ARHGAP21: variants seen among roughly 807,000 people sequenced by gnomAD.
The protein encoded by ARHGAP21 is Rho GTPase activating protein 21, also known as rho GTPase-activating protein 21.
In ARHGAP21, 38 loss-of-function variants were observed where a neutral mutation model predicts 164.6. The ratio of observed to expected loss-of-function variants is 0.23; its 90% CI spans 0.18 to 0.30. ARHGAP21 has a LOEUF of 0.30. Among genes scored for constraint, ARHGAP21 ranks in the 10% least tolerant of loss-of-function variants. ARHGAP21 has a pLI of 1.00. For missense variants in ARHGAP21, 1,822 were observed against 2,370.7 expected (o/e 0.77, Z 4.81); for synonymous variants, 766 against 857.9 (o/e 0.89, Z 1.87).
At chr10:24,590,307 C>G (rs772037071) in intron 24 of ARHGAP21, 5 of 1,534,324 alleles carry the variant, frequency 3.3e-6, no homozygotes, top group Middle Eastern at 1.7e-4. Flanking sequence ...TTATGAGAAA[C>G]TTTACACCAC....
At chr10:24,634,969 AAAAG>A in intron 5 of ARHGAP21, 38 bp downstream of exon 5, 1 of 1,369,766 alleles carries the variant, frequency 7.3e-7, no homozygotes, top group Non-Finnish European at 9.8e-7. Flanking sequence ...AATAAAGTGA[AAAAG>A]AAATTAAAAC....
At chr10:24,646,259 G>A (rs528765680) in intron 4 of ARHGAP21, among the ~76,000 whole-genome samples, 1 of 152,210 alleles carries the variant, frequency 6.6e-6, no homozygotes, top group African/African-American at 2.4e-5. Context: ...TAGCTGGAGA[G>A]CAATCAGGAA....
intron 2 of ARHGAP21, among the ~76,000 whole-genome samples, chr10:24,694,761 G>T (rs1843009174): frequency 2.0e-5 from 3 of 152,030 alleles, no homozygotes; most frequent in African/African-American, 7.2e-5. Flanking sequence ...TCCTAGAAAA[G>T]AAATGAACCA....
chr10:24,621,258 C>T lies in ARHGAP21; in HGVS notation c.637G>A (p.Ala213Thr), dbSNP rs146427466. 2.9e-4 allele frequency: 472 copies of T among 1,613,896 alleles called. 2 individuals are homozygous for T. The African/African-American group carries it at 5.7e-3, about 20-fold the overall frequency. Residue 213 changes from alanine (A) to threonine (T), a missense_variant, in exon 9 of 26, where the codon GCC (alanine) becomes ACC (threonine). By Grantham distance (58) the Ala-to-Thr change is moderately conservative (BLOSUM62 0). Coordinates refer to ENST00000396432, the MANE Select transcript of ARHGAP21 (RefSeq NM_020824.4). ...CYPWLPSAPS[A>T]MAQPVEISPP... Reference sequence around the variant, plus strand: ...GATATTTCAACTGGCTGTGCCATGGCTGATGGGGCAGATGGCAGCCAGGGA... The same window carrying T: ...GATATTTCAACTGGCTGTGCCATGGTTGATGGGGCAGATGGCAGCCAGGGA...
chr10:24,688,281 A>G (rs1471622914), intron 2 of ARHGAP21, among the ~76,000 whole-genome samples: 5 of 152,128 alleles, frequency 3.3e-5, no homozygotes, highest in Non-Finnish European at 7.4e-5. Flanking sequence ...AATCCCAGGT[A>G]CTCAGGAGGC....
At position 24,641,127 on chromosome 10, in the gene ARHGAP21, CTAACTTT is replaced by C. The variant is rs1403781394; in HGVS notation, c.269-6031_269-6025del. Among the ~76,000 whole-genome samples, 6 of 152,240 alleles carry C rather than the reference CTAACTTT, an allele frequency of 3.9e-5. No homozygotes were observed. In the South Asian group the frequency reaches 1.0e-3, roughly 26 times the overall value. Reference sequence around the variant, plus strand: ...ATTTCTTATTGTTGACAACAGGCTTCTAACTTTTATTTTGGGAATATGGTTTACTGGT... The same window carrying C: ...ATTTCTTATTGTTGACAACAGGCTTCTATTTTGGGAATATGGTTTACTGGT... On this transcript the variant is annotated intron_variant, in intron 4 of 25. Coordinates refer to ENST00000396432, the MANE Select transcript of ARHGAP21 (RefSeq NM_020824.4).
intron 15 of ARHGAP21, 80 bp from the exon 16 acceptor site, chr10:24,597,663 G>A (rs1246743262): frequency 1.3e-6 from 2 of 1,546,780 alleles, no homozygotes; most frequent in Non-Finnish European, 1.7e-6. Context: ...GGTGAGCCAT[G>A]GTCTGAAAAT....
At chr10:24,709,845 C>A (rs962413293) in intron 2 of ARHGAP21, among the ~76,000 whole-genome samples, 1 of 151,826 alleles carries the variant, frequency 6.6e-6, no homozygotes, top group Admixed American at 6.6e-5. Context: ...AAGTCCTCAA[C>A]AAAATACCTG....
At chr10:24,621,570 T>A (rs535263331) in intron 8 of ARHGAP21, among the ~76,000 whole-genome samples, 1 of 152,304 alleles carries the variant, frequency 6.6e-6, no homozygotes, top group South Asian at 2.1e-4. Context: ...CTGTAGAATC[T>A]GCAACACATA....
intron 8 of ARHGAP21, 21 bp downstream of exon 8, chr10:24,622,712 T>C (rs1298321549): frequency 5.0e-6 from 8 of 1,603,220 alleles, no homozygotes; most frequent in Non-Finnish European, 6.8e-6. Context: ...AGCAAGGAAA[T>C]GGCTACTGTG....
chr10:24,641,143 G>A (rs1294651636), intron 4 of ARHGAP21, among the ~76,000 whole-genome samples: 1 of 152,076 alleles, frequency 6.6e-6, no homozygotes, highest in Non-Finnish European at 1.5e-5. Flanking sequence ...TTTATTTTGG[G>A]AATATGGTTT....
At chr10:24,697,686 G>A (rs1006873610) in intron 2 of ARHGAP21, among the ~76,000 whole-genome samples, 8 of 151,844 alleles carry the variant, frequency 5.3e-5, no homozygotes, top group Non-Finnish European at 1.2e-4. Flanking sequence ...GTGAAACCCC[G>A]TCTCTACTGA....
chr10:24,704,387 C>T (rs1019541901), intron 2 of ARHGAP21, among the ~76,000 whole-genome samples: 2 of 150,646 alleles, frequency 1.3e-5, no homozygotes, highest in African/African-American at 4.9e-5. Flanking sequence ...ACATCCCACG[C>T]TCAGGTGATC....
chr10:24,666,046 T>C (rs1042359540), intron 4 of ARHGAP21, among the ~76,000 whole-genome samples: 8 of 152,116 alleles, frequency 5.3e-5, no homozygotes, highest in Non-Finnish European at 8.8e-5. Flanking sequence ...GTTTTGTTTT[T>C]TGAGACGGAG....
At chr10:24,721,110 G>A (rs1274286580) in intron 2 of ARHGAP21, among the ~76,000 whole-genome samples, 2 of 151,878 alleles carry the variant, frequency 1.3e-5, no homozygotes, top group Non-Finnish European at 2.9e-5. Context: ...TAAAATCTCT[G>A]GGCCCTTGGG....
At chr10:24,590,300 T>A in intron 24 of ARHGAP21, 1 of 1,534,170 alleles carries the variant, frequency 6.5e-7, no homozygotes, top group Non-Finnish European at 8.7e-7. Flanking sequence ...AATAATCTTA[T>A]GAGAAACTTT....
intron 9 of ARHGAP21, 121 bp from the exon 10 acceptor site, chr10:24,608,024 C>T (rs1167045443): frequency 1.8e-5 from 15 of 845,696 alleles, no homozygotes; most frequent in Non-Finnish European, 2.6e-5. Flanking sequence ...CACCAAAGCA[C>T]ATCACTAAAT....
At chr10:24,709,386 A>C (rs1844551752) in intron 2 of ARHGAP21, among the ~76,000 whole-genome samples, 1 of 152,138 alleles carries the variant, frequency 6.6e-6, no homozygotes, top group African/African-American at 2.4e-5. Context: ...CTAAGAAATC[A>C]AGGAATAAGG....
At chr10:24,633,963 G>A (rs529823279) in intron 5 of ARHGAP21, among the ~76,000 whole-genome samples, 20 of 130,700 alleles carry the variant, frequency 1.5e-4, no homozygotes, top group Admixed American at 2.9e-4. Context: ...GTGCAATCTC[G>A]GCTTACTGCA....
Sources: gnomAD v4.1 joint callset for allele counts (sites outside exome capture counted in the v4.1 genomes callset) on GRCh38, gnomAD v4.1.1 for gene constraint, MANE v1.5 for transcripts, NCBI Gene and HGNC (gene_info 2026-07-23, HGNC 2026-07-21) for gene names.